IPCEF1: variants seen among roughly 807,000 people sequenced by gnomAD.
IPCEF1 encodes the protein interaction protein for cytohesin exchange factors 1, also known as interactor protein for cytohesin exchange factors 1.
In IPCEF1, 31 loss-of-function variants were observed where a neutral mutation model predicts 50.9. That is an observed-to-expected ratio of 0.61 (90% CI 0.46 to 0.82). The LOEUF (loss-of-function observed/expected upper bound fraction) is 0.82, where lower values mean the gene tolerates loss of function less well. IPCEF1 is among the 40% of genes least tolerant of loss of function. IPCEF1 has a pLI of 0.00. For missense variants in IPCEF1, 458 were observed against 514.0 expected (o/e 0.89, Z 1.05); for synonymous variants, 181 against 192.0 (o/e 0.94, Z 0.47).
intron 1 of IPCEF1, among the ~76,000 whole-genome samples, chr6:154,333,520 TG>T (rs993570058): frequency 2.0e-5 from 3 of 151,778 alleles, no homozygotes; most frequent in African/African-American, 4.8e-5. Context: ...CTTGTGATCG[TG>T]GGAGTTAATA....
At chr6:154,317,722 A>G (rs1451056816) in intron 1 of IPCEF1, among the ~76,000 whole-genome samples, 1 of 152,156 alleles carries the variant, frequency 6.6e-6, no homozygotes, top group East Asian at 1.9e-4. Flanking sequence ...AAAGTCAGAA[A>G]GATGTTGGTC....
At chr6:154,266,583 T>TATATATATATATATAC in intron 2 of IPCEF1, among the ~76,000 whole-genome samples, 1 of 139,248 alleles carries the variant, frequency 7.2e-6, no homozygotes, top group Non-Finnish European at 1.6e-5. Flanking sequence ...TATATATATA[T>TATATATATATATATAC]ATACACACAA....
chr6:154,220,348 A>C (rs1778763216), intron 7 of IPCEF1, among the ~76,000 whole-genome samples: 1 of 152,198 alleles, frequency 6.6e-6, no homozygotes. Context: ...AGCACCTCAA[A>C]TACAGCCTGA....
At chr6:154,260,033 A>T (rs1781557083) in intron 3 of IPCEF1, among the ~76,000 whole-genome samples, 1 of 152,216 alleles carries the variant, frequency 6.6e-6, no homozygotes. Flanking sequence ...GCGGTGAGAC[A>T]TGCATGTTTC....
At chr6:154,219,529 C>T (rs1245925540) in intron 7 of IPCEF1, among the ~76,000 whole-genome samples, 1 of 152,116 alleles carries the variant, frequency 6.6e-6, no homozygotes, top group Non-Finnish European at 1.5e-5. Flanking sequence ...GCGGACTGAC[C>T]TCACTATCAC....
At chr6:154,216,380 G>A (rs1778393700) in intron 7 of IPCEF1, among the ~76,000 whole-genome samples, 1 of 152,004 alleles carries the variant, frequency 6.6e-6, no homozygotes, top group Non-Finnish European at 1.5e-5. Flanking sequence ...CTGTAATTGT[G>A]CCTTTGAAAT....
chr6:154,275,751 T>C (rs1178738743), intron 2 of IPCEF1, among the ~76,000 whole-genome samples: 1 of 151,990 alleles, frequency 6.6e-6, no homozygotes, highest in African/African-American at 2.4e-5. Flanking sequence ...CAGAGGACTC[T>C]GCAACTGGAC....
At chr6:154,167,055 G>A (rs1799497256) in intron 11 of IPCEF1, among the ~76,000 whole-genome samples, 1 of 152,138 alleles carries the variant, frequency 6.6e-6, no homozygotes, top group Admixed American at 6.5e-5. Flanking sequence ...GCCTGCCTTT[G>A]TAGCCTTGTC....
chr6:154,211,829 A>T (rs2128605270), intron 9 of IPCEF1, among the ~76,000 whole-genome samples: 1 of 152,358 alleles, frequency 6.6e-6, no homozygotes, highest in South Asian at 2.1e-4. Context: ...TGTAGAGCTG[A>T]CAAAGGACTA....
intron 1 of IPCEF1, among the ~76,000 whole-genome samples, chr6:154,310,166 T>A (rs1465581437): frequency 6.6e-6 from 1 of 152,188 alleles, no homozygotes; most frequent in African/African-American, 2.4e-5. Flanking sequence ...CAAGACCTAA[T>A]AATACAAGTG....
At chr6:154,297,441 C>A (rs957008852) in intron 1 of IPCEF1, among the ~76,000 whole-genome samples, 16 of 152,190 alleles carry the variant, frequency 1.1e-4, no homozygotes, top group African/African-American at 3.9e-4. Flanking sequence ...GGTTGACGTG[C>A]AGGTCTGGCA....
intron 1 of IPCEF1, among the ~76,000 whole-genome samples, chr6:154,324,912 C>A: frequency 6.6e-6 from 1 of 151,846 alleles, no homozygotes. Flanking sequence ...AAAAAAAGTA[C>A]CATACAAAGT....
chr6:154,321,355 C>T (rs532985301), intron 1 of IPCEF1, among the ~76,000 whole-genome samples: 1 of 151,952 alleles, frequency 6.6e-6, no homozygotes, highest in Admixed American at 6.6e-5. Flanking sequence ...ATAAATAAAA[C>T]CTACAGATGA....
intron 5 of IPCEF1, among the ~76,000 whole-genome samples, chr6:154,231,690 G>A (rs144515383): frequency 1.6e-4 from 25 of 152,218 alleles, no homozygotes; most frequent in South Asian, 6.2e-4. Flanking sequence ...CTGTATTTGC[G>A]AAAAGAAACA....
At chr6:154,334,715 G>C (rs1311954057) in intron 1 of IPCEF1, among the ~76,000 whole-genome samples, 1 of 152,226 alleles carries the variant, frequency 6.6e-6, no homozygotes, top group Non-Finnish European at 1.5e-5. Context: ...TTGACTAGTA[G>C]AATGGCCTTG....
chr6:154,196,152 CA>C (rs1228132747), intron 10 of IPCEF1, among the ~76,000 whole-genome samples: 2 of 151,766 alleles, frequency 1.3e-5, no homozygotes, highest in Non-Finnish European at 1.5e-5. Context: ...GTTAGGTACT[CA>C]AAAAAATGAT....
chr6:154,224,820 C>A (rs939831608), intron 5 of IPCEF1, among the ~76,000 whole-genome samples: 16 of 152,224 alleles, frequency 1.1e-4, no homozygotes, highest in Non-Finnish European at 2.2e-4. Flanking sequence ...TGAATATGTA[C>A]TCATTCATAT....
Position 154,222,947 on chromosome 6 carries a change from T to G in IPCEF1, c.320+223A>C, listed in dbSNP as rs1778982840. ...CATCAACAACAGTCCATGCCAAGAC[T>G]TCGTGGGGGTTTTAAAATCCATCTG... On this transcript the variant is annotated intron_variant, in intron 6 of 11. Coordinates refer to ENST00000367220, the MANE Select transcript of IPCEF1 (RefSeq NM_001130700.2). The G allele has an allele frequency of 7.0e-6, 4 of 572,314 alleles. No individual in the cohort carries two copies. In the East Asian group the frequency reaches 1.2e-4, roughly 17 times the overall value. 35.5% of individuals were successfully genotyped at this position (572,314 alleles called of 1,614,324 possible).
chr6:154,309,090 A>G (rs1352779604), intron 1 of IPCEF1, among the ~76,000 whole-genome samples: 1 of 152,190 alleles, frequency 6.6e-6, no homozygotes, highest in Non-Finnish European at 1.5e-5. Flanking sequence ...TTGCTAAAAT[A>G]AGTTGTCTCT....
Sources: allele counts gnomAD v4.1 joint callset (sites outside exome capture counted in the v4.1 genomes callset), GRCh38; gene constraint gnomAD v4.1.1; transcripts MANE v1.5; gene names NCBI Gene and HGNC (gene_info 2026-07-23, HGNC 2026-07-21).